Variants in EPB41L3 observed in about 807,000 individuals in gnomAD.
The protein encoded by EPB41L3 is erythrocyte membrane protein band 4.1 like 3, also known as band 4.1-like protein 3.
In EPB41L3, 57 loss-of-function variants were observed where a neutral mutation model predicts 127.1. The ratio of observed to expected loss-of-function variants is 0.45; its 90% confidence interval spans 0.36 to 0.56. The LOEUF (loss-of-function observed/expected upper bound fraction) is 0.56. EPB41L3 is among the 20% of genes least tolerant of loss of function. The pLI, the probability that EPB41L3 is intolerant of heterozygous loss-of-function variation, is 0.00. For synonymous variants in EPB41L3, 572 were observed against 549.5 expected, an observed-to-expected ratio of 1.04 and a Z score of -0.57; for missense variants, 1,273 against 1,372.2, an observed-to-expected ratio of 0.93 and a Z score of 1.14.
intron 1 of EPB41L3, among the ~76,000 whole-genome samples, chr18:5,511,391 G>GTTTTTTTTTTTTTTTTTTTTT (rs1190047630): frequency 1.7e-5 from 1 of 59,796 alleles, no homozygotes. Context: ...AGGTATTTTG[G>GTTTTTTTTTTTTTTTTTTTTT]TTTTTTTTTT....
At chr18:5,603,519 T>G (rs1439088615) in intron 3 of EPB41L3, among the ~76,000 whole-genome samples, 1 of 152,222 alleles carries the variant, frequency 6.6e-6, no homozygotes, top group African/African-American at 2.4e-5. Context: ...ATTCTGATTT[T>G]GGGCAATTAC....
At chr18:5,473,953 C>T (rs985824942) in intron 3 of EPB41L3, among the ~76,000 whole-genome samples, 4 of 152,076 alleles carry the variant, frequency 2.6e-5, no homozygotes, top group Non-Finnish European at 4.4e-5. Context: ...GTCTCTCAGC[C>T]GGGTGTGGTG....
At chr18:5,544,127 A>G (rs912603804), upstream of EPB41L3, 1 of 985,302 alleles carries the variant, frequency 1.0e-6, no homozygotes, top group Non-Finnish European at 1.2e-6. Flanking sequence ...AGGAAAGCCA[A>G]CCTCGTCCTG....
At chr18:5,526,237 G>T (rs1417771155) in intron 1 of EPB41L3, among the ~76,000 whole-genome samples, 1 of 152,148 alleles carries the variant, frequency 6.6e-6, no homozygotes, top group Admixed American at 6.5e-5. Flanking sequence ...AATACAGATG[G>T]AGCCAAAGAG....
Position 5,489,026 on chromosome 18 carries a change from G to A in EPB41L3, c.158C>T (p.Ala53Val), listed in dbSNP as rs376734530. 1.3e-6 allele frequency: 2 copies of A among 1,588,840 alleles called. No individual in the cohort carries two copies. Among genetic ancestry groups the A allele is most frequent in the Non-Finnish European group, 1.7e-6 (2 of 1,175,240 alleles). The change falls in exon 2 of 23, where the codon GCG becomes GTG. Residue 53 changes from alanine (A) to valine (V), a missense_variant. Physicochemically the swap from Ala to Val is moderately conservative, Grantham distance 64 (BLOSUM62 0). Transcript: ENST00000341928. ...CTCCCTCCGCACCGGGGTGCTGTGC[G>A]CTGCAGCGGCGGCGAACTGCTCCAG... ...QALEQFAAAA[A>V]HSTPVRREVT...
intron 3 of EPB41L3, among the ~76,000 whole-genome samples, chr18:5,445,823 G>A (rs988114698): frequency 1.3e-4 from 20 of 152,248 alleles, no homozygotes; most frequent in African/African-American, 4.1e-4. Context: ...ATAGGAGTTC[G>A]AACCCTATTG....
At chr18:5,422,158 G>A (rs554116909) in intron 11 of EPB41L3, among the ~76,000 whole-genome samples, 4 of 151,970 alleles carry the variant, frequency 2.6e-5, no homozygotes, top group Admixed American at 1.3e-4. Context: ...GTCAACCACC[G>A]CAGAGACAGA....
At chr18:5,545,749 T>C (rs1339918827), upstream of EPB41L3, among the ~76,000 whole-genome samples, 1 of 152,170 alleles carries the variant, frequency 6.6e-6, no homozygotes, top group Non-Finnish European at 1.5e-5. Context: ...GTCTTTCAGG[T>C]GACAGATAAA....
At chr18:5,534,147 A>C (rs1055120103) in intron 1 of EPB41L3, among the ~76,000 whole-genome samples, 1 of 152,244 alleles carries the variant, frequency 6.6e-6, no homozygotes, top group Non-Finnish European at 1.5e-5. Flanking sequence ...TGGGTGACAG[A>C]GCGAGACTCC....
intron 1 of EPB41L3, among the ~76,000 whole-genome samples, chr18:5,494,208 C>A (rs34291060): frequency 0.21 from 31,202 of 151,902 alleles, 4,098 homozygotes; most frequent in East Asian, 0.41. Flanking sequence ...TGCTGCCAAC[C>A]CCCCAATCTG....
At chr18:5,414,619 C>T (rs2076573640) in intron 13 of EPB41L3, among the ~76,000 whole-genome samples, 2 of 152,100 alleles carry the variant, frequency 1.3e-5, no homozygotes, top group African/African-American at 4.8e-5. Context: ...GCGTATTTTG[C>T]TTTTTTCCTA....
chr18:5,524,087 A>G (rs754935793), intron 1 of EPB41L3, among the ~76,000 whole-genome samples: 2 of 152,176 alleles, frequency 1.3e-5, no homozygotes, highest in African/African-American at 2.4e-5. Context: ...TACTATTATT[A>G]TTCCCAACTG....
intron 1 of EPB41L3, among the ~76,000 whole-genome samples, chr18:5,495,652 A>C (rs2091096210): frequency 6.6e-6 from 1 of 152,168 alleles, no homozygotes; most frequent in Admixed American, 6.5e-5. Flanking sequence ...AACTAGTTTT[A>C]AACTTTAGAC....
intron 3 of EPB41L3, among the ~76,000 whole-genome samples, chr18:5,465,477 G>A (rs547883516): frequency 1.3e-5 from 2 of 152,218 alleles, no homozygotes; most frequent in Non-Finnish European, 2.9e-5. Context: ...TGAAGGTTCT[G>A]ATCCTATTTT....
intron 1 of EPB41L3, among the ~76,000 whole-genome samples, chr18:5,513,910 T>C (rs1320892285): frequency 6.6e-6 from 1 of 152,206 alleles, no homozygotes; most frequent in African/African-American, 2.4e-5. Context: ...ATGTATGTCC[T>C]ACCAGAAGTC....
chr18:5,471,553 T>G (rs2086145424), intron 3 of EPB41L3, among the ~76,000 whole-genome samples: 1 of 152,228 alleles, frequency 6.6e-6, no homozygotes, highest in Admixed American at 6.5e-5. Context: ...GCTTTCCGCA[T>G]TAAACCAGTA....
chr18:5,619,626 T>C (rs1011876705), intron 1 of EPB41L3, among the ~76,000 whole-genome samples: 2 of 152,248 alleles, frequency 1.3e-5, no homozygotes, highest in Admixed American at 6.5e-5. Flanking sequence ...TATCTTTCTC[T>C]AGACTAACAG....
intron 14 of EPB41L3, among the ~76,000 whole-genome samples, chr18:5,409,034 C>G (rs1263050836): frequency 6.6e-6 from 1 of 152,134 alleles, no homozygotes; most frequent in African/African-American, 2.4e-5. Context: ...TCTTATTTGC[C>G]AATGGGACAA....
intron 14 of EPB41L3, among the ~76,000 whole-genome samples, chr18:5,408,221 G>A (rs112744097): frequency 0.014 from 2,153 of 151,980 alleles, 45 homozygotes; most frequent in African/African-American, 0.047. Flanking sequence ...ATTTTACACA[G>A]AGGTTCCCAC....
Sources: gnomAD v4.1 joint callset for allele counts (sites outside exome capture counted in the v4.1 genomes callset) on GRCh38, gnomAD v4.1.1 for gene constraint, MANE v1.5 for transcripts, NCBI Gene and HGNC (gene_info 2026-07-23, HGNC 2026-07-21) for gene names.